The following XPA variants were observed in gnomAD, a reference collection of about 807,000 sequenced individuals.
The protein encoded by XPA is DNA repair protein complementing XP-A cells.
In XPA, 27 loss-of-function variants were observed where a neutral mutation model predicts 35.7. The ratio of observed to expected loss-of-function variants is 0.76; its 90% CI spans 0.56 to 1.04. XPA has a LOEUF of 1.04. XPA is among the 50% of genes least tolerant of loss of function. XPA has a pLI of 0.00. For synonymous variants in XPA, 133 were observed against 118.4 expected, an observed-to-expected ratio of 1.12 and a Z score of -0.80; for missense variants, 354 against 342.7, an observed-to-expected ratio of 1.03 and a Z score of -0.26.
intron 2 of XPA, among the ~76,000 whole-genome samples, chr9:97,691,891 ATATAT>A (rs1828901952): frequency 2.2e-5 from 2 of 92,846 alleles, no homozygotes; most frequent in Admixed American, 1.1e-4. Flanking sequence ...AAATAAATAT[ATATAT>A]ATATATATAT....
Position 97,697,288 on chromosome 9 carries a change from G to C in XPA, c.5C>G (p.Ala2Gly). 6.3e-7 allele frequency: 1 copy of C among 1,598,140 alleles called. No individual in the cohort carries two copies. Among genetic ancestry groups the C allele is most frequent in the Non-Finnish European group, 8.5e-7 (1 of 1,179,154 alleles). The change falls in exon 1 of 6, where the codon GCG (alanine) becomes GGG (glycine). Residue 2 changes from alanine (A) to glycine (G), a missense_variant. Ala to Gly is a moderately conservative substitution (Grantham distance 60). Transcript: ENST00000375128. The stretch of plus-strand genomic sequence containing the variant: ...CTCCGGCAAAGCCCCGTCGGCCGCC[G>C]CCATCTCTGGCCCACTCCGAGGACC... M[A>G]AADGALPEAA...
intron 5 of XPA, among the ~76,000 whole-genome samples, chr9:97,679,022 A>G (rs947561324): frequency 5.9e-5 from 9 of 152,196 alleles, no homozygotes; most frequent in Non-Finnish European, 1.0e-4. Flanking sequence ...CCAATCCTAG[A>G]CTGGATTCTG....
the XPA span, among the ~76,000 whole-genome samples, chr9:97,668,120 C>T: frequency 1.3e-5 from 2 of 152,184 alleles, no homozygotes; most frequent in African/African-American, 4.8e-5. Context: ...TTTCTAGATT[C>T]AGTGATGCCA....
rs1273381898 is a variant in XPA at position 97,675,523 on chromosome 9, A to G, written c.738T>C (p.Tyr246=). The G allele has an allele frequency of 3.1e-6, 5 of 1,613,906 alleles. No homozygotes were observed. In the Admixed American group the frequency reaches 5.0e-5, roughly 16 times the overall value. Reference sequence around the variant, plus strand: ...CATCTTCTAGGTTTTCTTCTGGTCCATACTCATGTTGATGAACAATCGTCT... The same window carrying G: ...CATCTTCTAGGTTTTCTTCTGGTCCGTACTCATGTTGATGAACAATCGTCT... The part of the protein sequence containing the change: ...KRETIVHQHE[Y]GPEENLEDDM... Residue 246 remains tyrosine, a synonymous_variant, in exon 6 of 6, where the codon TAT becomes TAC. Coordinates refer to ENST00000375128, the MANE Select transcript of XPA (RefSeq NM_000380.4).
At position 97,675,451 on chromosome 9, in the gene XPA, A is replaced by G. The variant is rs748593164; in HGVS notation, c.810T>C (p.Tyr270=). The change falls in exon 6 of 6, where the codon TAT becomes TAC. Residue 270 remains tyrosine, a synonymous_variant. Coordinates refer to ENST00000375128, the MANE Select transcript of XPA (RefSeq NM_000380.4). ...CTGAACTAAAAAATCACATTTTTTC[A>G]TATGTCAGTTCATGGCCACACATAG... is the stretch of plus-strand genomic sequence containing the variant. ...TCTMCGHELT[Y]EKM is the part of the protein sequence containing the mutation. 31 of 1,612,902 alleles carry G rather than the reference A, an allele frequency of 1.9e-5. No individual in the cohort carries two copies. In the African/African-American group the frequency reaches 2.5e-4, roughly 13 times the overall value.
chr9:97,695,104 T>C lies in XPA; in HGVS notation c.173-1345A>G, dbSNP rs536065044. Among the ~76,000 whole-genome samples, 13 of 152,288 alleles carry C rather than the reference T, an allele frequency of 8.5e-5. No homozygotes were observed. In the East Asian group the frequency reaches 2.3e-3, roughly 27 times the overall value. ...GTGGACACCGACTAGGAAGGCGCAA[T>C]AGGAAAACTTCTAAGGTTCCGGAAG... On this transcript the variant is annotated intron_variant, in intron 1 of 5. Coordinates refer to ENST00000375128, the MANE Select transcript of XPA (RefSeq NM_000380.4).
chr9:97,656,193 T>G, the XPA span: 4 of 883,528 alleles, frequency 4.5e-6, no homozygotes, highest in Non-Finnish European at 7.0e-6. Flanking sequence ...CACTTACTCA[T>G]CTTCCATCCC....
the XPA span, among the ~76,000 whole-genome samples, chr9:97,662,457 A>G: frequency 6.6e-6 from 1 of 152,186 alleles, no homozygotes; most frequent in African/African-American, 2.4e-5. Flanking sequence ...TTCCAAAGCA[A>G]TGTAAGAAGA....
chr9:97,690,333 C>T (rs1462325220), intron 2 of XPA, among the ~76,000 whole-genome samples: 3 of 152,222 alleles, frequency 2.0e-5, no homozygotes, highest in Admixed American at 2.0e-4. Context: ...GCCTTAGCCT[C>T]CCAAGTAGCT....
At chr9:97,694,717 T>A (rs1033311265) in intron 1 of XPA, among the ~76,000 whole-genome samples, 1 of 152,138 alleles carries the variant, frequency 6.6e-6, no homozygotes, top group African/African-American at 2.4e-5. Flanking sequence ...TTAACATAAC[T>A]ACACCTCTCC....
chr9:97,678,705 C>T (rs890493054), intron 5 of XPA, among the ~76,000 whole-genome samples: 2 of 152,134 alleles, frequency 1.3e-5, no homozygotes, highest in African/African-American at 4.8e-5. Flanking sequence ...GACACTAAAT[C>T]TAGGGGGATA....
intron 4 of XPA, 42 bp from the exon 5 acceptor site, chr9:97,685,082 C>T (rs773366014): frequency 1.7e-5 from 27 of 1,548,280 alleles, no homozygotes. Context: ...GTGATTCAGA[C>T]TTGCGAAATA....
Position 97,689,631 on chromosome 9 carries a change from T to A in XPA, c.292A>T (p.Met98Leu), listed in dbSNP as rs1339290732. The A allele has an allele frequency of 6.3e-7, 1 of 1,595,492 alleles. No homozygotes were observed. ...GKVVHQPGPV[M>L]EFDYVICEEC... ...TCGCATATTACATAATCAAATTCCA[T>A]AACAGGTCCTAAGAAAAGGAAAATG... The change falls in exon 3 of 6, where the codon ATG (methionine) becomes TTG (leucine). Residue 98 changes from methionine (M) to leucine (L), a missense_variant. Transcript: ENST00000375128.
the XPA span, chr9:97,655,887 T>C: frequency 2.3e-6 from 3 of 1,323,326 alleles, no homozygotes; most frequent in South Asian, 4.0e-5. Flanking sequence ...GTACAAATAG[T>C]TACAAGTGCA....
chr9:97,685,930 C>T (rs547837662), intron 4 of XPA, among the ~76,000 whole-genome samples: 4 of 152,150 alleles, frequency 2.6e-5, no homozygotes, highest in African/African-American at 9.6e-5. Context: ...GTGCAAAAGT[C>T]GTGATATATG....
intron 4 of XPA, among the ~76,000 whole-genome samples, chr9:97,685,736 T>C (rs1280533242): frequency 1.3e-5 from 2 of 152,172 alleles, no homozygotes; most frequent in African/African-American, 2.4e-5. Flanking sequence ...ACACTCATAT[T>C]TCGTATATTC....
At chr9:97,674,447 A>G (rs1452838050), downstream of XPA, among the ~76,000 whole-genome samples, 1 of 152,142 alleles carries the variant, frequency 6.6e-6, no homozygotes, top group Non-Finnish European at 1.5e-5. Flanking sequence ...AAATGTTTAA[A>G]CTTCCTATTC....
In XPA at chr9:97,674,978, C is replaced by T. The variant is rs1388219791; in HGVS notation, c.*461G>A. ...TTCCAGCAGTAGTTCCCCACTGTTTCCACCATCGTGGAGACAGAAATCGTC... is the reference window on the plus strand; with the variant it reads ...TTCCAGCAGTAGTTCCCCACTGTTTTCACCATCGTGGAGACAGAAATCGTC... On this transcript the variant is annotated 3_prime_UTR_variant, in exon 6 of 6. Transcript: ENST00000375128. 2 of 524,036 alleles carry T rather than the reference C, an allele frequency of 3.8e-6. No homozygotes were observed. The highest frequency in any genetic ancestry group is 5.3e-4 in the Middle Eastern group (1 of 1,890). The allele number at this position is 524,036 out of a possible 1,614,324, so 32.5% of individuals were successfully genotyped here. A position where few individuals can be genotyped will look rare whatever the true frequency, so the allele number is the denominator to read the frequency against.
At chr9:97,657,299 G>C in the XPA span, among the ~76,000 whole-genome samples, 1 of 152,154 alleles carries the variant, frequency 6.6e-6, no homozygotes, top group Non-Finnish European at 1.5e-5. Context: ...CATATATAGT[G>C]TTGAGTTGTC....
Sources: gnomAD v4.1 joint callset for allele counts (sites outside exome capture counted in the v4.1 genomes callset) on GRCh38, gnomAD v4.1.1 for gene constraint, MANE v1.5 for transcripts, NCBI Gene and HGNC (gene_info 2026-07-23, HGNC 2026-07-21) for gene names.